PTPRN2: variants seen among roughly 807,000 people sequenced by gnomAD.
PTPRN2 encodes receptor-type tyrosine-protein phosphatase N2.
PTPRN2 carries 74 observed loss-of-function variants against 118.8 expected under a neutral mutation model. The ratio of observed to expected loss-of-function variants is 0.62; its 90% CI spans 0.52 to 0.76. The LOEUF is 0.76. PTPRN2 is among the 30% of genes least tolerant of loss of function. PTPRN2 has a pLI of 0.00. For missense variants in PTPRN2, 1,481 were observed against 1,394.4 expected (o/e 1.06, Z -0.99); for synonymous variants, 641 against 608.0 (o/e 1.05, Z -0.80).
chr7:157,849,547 C>T (rs990460390), intron 12 of PTPRN2, among the ~76,000 whole-genome samples: 1 of 152,202 alleles, frequency 6.6e-6, no homozygotes, highest in Non-Finnish European at 1.5e-5. Context: ...ACAAGATGTG[C>T]TGTTTAGGAC....
chr7:157,861,781 G>A lies in PTPRN2; in HGVS notation c.1788+36892C>T, dbSNP rs1584896430. ...GACACAGCGCTTCCCTCCTGCCTCC[G>A]AGCCACGCAGACGGCTTCCCTCTGC... On this transcript the variant is annotated intron_variant, in intron 12 of 22. Coordinates refer to ENST00000389418, the MANE Select transcript of PTPRN2 (RefSeq NM_002847.5). The surrounding 1 kb of genome is among the most constrained non-coding windows in gnomAD (Gnocchi z 5.8). Among the ~76,000 whole-genome samples, 1 of 152,214 alleles carries A rather than the reference G, an allele frequency of 6.6e-6. No homozygotes were observed. Among genetic ancestry groups the A allele is most frequent in the East Asian group, 1.9e-4 (1 of 5,198 alleles).
At chr7:158,112,374 C>A (rs1246003539) in intron 9 of PTPRN2, among the ~76,000 whole-genome samples, 1 of 152,178 alleles carries the variant, frequency 6.6e-6, no homozygotes, top group Non-Finnish European at 1.5e-5. Context: ...GCAGAGAAGG[C>A]AAGGGGGCCG....
At chr7:158,496,364 T>C (rs1208605301) in intron 1 of PTPRN2, among the ~76,000 whole-genome samples, 1 of 30,952 alleles carries the variant, frequency 3.2e-5, no homozygotes. Flanking sequence ...CTGCGCCCCT[T>C]CCCCACGCCC....
intron 9 of PTPRN2, among the ~76,000 whole-genome samples, chr7:158,133,370 C>T (rs964743805): frequency 9.2e-5 from 14 of 152,150 alleles, no homozygotes; most frequent in Admixed American, 2.6e-4. Context: ...CAGAGAGGCG[C>T]GGCCTGCAGG....
In PTPRN2 at chr7:158,108,759, T is replaced by C. The variant is rs1815907812; in HGVS notation, c.1643+2070A>G. On this transcript the variant is annotated intron_variant, in intron 10 of 22. Transcript: ENST00000389418. The stretch of plus-strand genomic sequence containing the variant: ...TAGTGCCCTCCATGCTAATGACCCA[T>C]ACACTCTTCTGTCTTTTCCTAATAA... Among the ~76,000 whole-genome samples the C allele has an allele frequency of 2.0e-5, 3 of 152,328 alleles. No homozygotes were observed. The South Asian group carries it at 6.2e-4, about 32-fold the overall frequency.
intron 2 of PTPRN2, among the ~76,000 whole-genome samples, chr7:158,449,285 C>T (rs1277972783): frequency 1.3e-5 from 2 of 152,210 alleles, no homozygotes; most frequent in Non-Finnish European, 2.9e-5. Flanking sequence ...GCTCAAGAAG[C>T]TTCCAGAGGA....
At position 158,552,363 on chromosome 7, in the gene PTPRN2, G is replaced by A. The variant is rs1042490976; in HGVS notation, c.112+35195C>T. The stretch of plus-strand genomic sequence containing the variant: ...GCATTTGGGGGGCCCCAGCTCCTAA[G>A]TCAGCCTGAGAAGATCAGTGAGAAA... On this transcript the variant is annotated intron_variant, in intron 1 of 22. Coordinates refer to ENST00000389418, the MANE Select transcript of PTPRN2 (RefSeq NM_002847.5). Among the ~76,000 whole-genome samples the A allele has an allele frequency of 2.6e-5, 4 of 152,376 alleles. No homozygotes were observed. The South Asian group carries it at 8.3e-4, about 32-fold the overall frequency.
chr7:157,810,285 A>G (rs956354025), intron 12 of PTPRN2, among the ~76,000 whole-genome samples: 1 of 152,252 alleles, frequency 6.6e-6, no homozygotes, highest in Non-Finnish European at 1.5e-5. Flanking sequence ...ATCCCAAAGC[A>G]GCGATCTAGA....
At chr7:157,648,834 G>C (rs1965624) in intron 14 of PTPRN2, among the ~76,000 whole-genome samples, 1 of 101,548 alleles carries the variant, frequency 9.8e-6, no homozygotes, top group Non-Finnish European at 2.1e-5. Flanking sequence ...GAACTCGGTG[G>C]GTCGGACCCA....
chr7:157,656,262 C>T (rs887024937), intron 14 of PTPRN2, 95 bp downstream of exon 14: 6 of 1,322,378 alleles, frequency 4.5e-6, no homozygotes, highest in Non-Finnish European at 6.2e-6. Context: ...CGCCCAGTCC[C>T]CGAGGGTCAG....
At chr7:158,009,896 A>T (rs1020682625) in intron 11 of PTPRN2, among the ~76,000 whole-genome samples, 2 of 152,182 alleles carry the variant, frequency 1.3e-5, no homozygotes, top group Non-Finnish European at 2.9e-5. Context: ...TCACTGATCT[A>T]CGCCACGCCA....
intron 2 of PTPRN2, among the ~76,000 whole-genome samples, chr7:158,321,317 G>A (rs1802997568): frequency 6.6e-6 from 1 of 152,156 alleles, no homozygotes; most frequent in African/African-American, 2.4e-5. Context: ...CTCCTCTGCG[G>A]GACTCCTGCC....
chr7:157,906,937 G>A (rs1052626638), intron 11 of PTPRN2, among the ~76,000 whole-genome samples: 1 of 152,092 alleles, frequency 6.6e-6, no homozygotes, highest in African/African-American at 2.4e-5. Context: ...CATCAAACAC[G>A]TGCAGTGACA....
At chr7:158,170,911 T>G (rs1294549384) in intron 5 of PTPRN2, among the ~76,000 whole-genome samples, 3 of 151,838 alleles carry the variant, frequency 2.0e-5, no homozygotes, top group African/African-American at 7.3e-5. Flanking sequence ...GGCACGGAAG[T>G]GTTAATGGCT....
intron 11 of PTPRN2, among the ~76,000 whole-genome samples, chr7:158,032,784 A>G (rs1807785896): frequency 6.6e-6 from 1 of 152,144 alleles, no homozygotes; most frequent in Non-Finnish European, 1.5e-5. Flanking sequence ...AGCAGAGTAA[A>G]CCCAGGACCA....
chr7:158,149,358 C>T (rs1820664876), intron 6 of PTPRN2, among the ~76,000 whole-genome samples: 1 of 151,530 alleles, frequency 6.6e-6, no homozygotes. Flanking sequence ...ACTACATTGA[C>T]ATAAACTTAA....
intron 3 of PTPRN2, among the ~76,000 whole-genome samples, chr7:158,278,790 G>A (rs1157031199): frequency 6.6e-6 from 1 of 152,248 alleles, no homozygotes; most frequent in Non-Finnish European, 1.5e-5. Flanking sequence ...GACCTTTGCA[G>A]TGGGTGTCAC....
chr7:157,691,286 G>T (rs1489654979), intron 12 of PTPRN2, among the ~76,000 whole-genome samples: 5 of 149,620 alleles, frequency 3.3e-5, no homozygotes, highest in African/African-American at 1.2e-4. Flanking sequence ...GAGAGACCTC[G>T]GCCAGAAAAG....
chr7:157,871,740 T>A (rs1375223775), intron 12 of PTPRN2, among the ~76,000 whole-genome samples: 1 of 149,796 alleles, frequency 6.7e-6, no homozygotes, highest in Non-Finnish European at 1.5e-5. Context: ...CATACACATA[T>A]GCCTTCCCAC....
Sources: gnomAD v4.1 joint callset for allele counts (sites outside exome capture counted in the v4.1 genomes callset) on GRCh38, gnomAD v4.1.1 for gene constraint, Gnocchi (gnomAD v3.1) non-coding constraint, MANE v1.5 for transcripts, NCBI Gene and HGNC (gene_info 2026-07-23, HGNC 2026-07-21) for gene names.